The following PSMD13 variants were observed in gnomAD, a reference collection of about 807,000 sequenced individuals.
PSMD13 encodes the protein 26S proteasome non-ATPase regulatory subunit 13.
PSMD13 carries 8 observed loss-of-function variants against 57.4 expected under a neutral mutation model. The observed-to-expected ratio is 0.14, with a 90% CI of 0.08 to 0.25. The LOEUF is 0.25. PSMD13 is among the 10% of genes least tolerant of loss of function. PSMD13 has a pLI of 1.00. For synonymous variants in PSMD13, 193 were observed against 168.2 expected (o/e 1.15, Z -1.14); for missense variants, 400 against 461.5 (o/e 0.87, Z 1.22).
rs763579048 is a variant in PSMD13, at chr11:247,380, G to T, written c.500G>T (p.Gly167Val). ...DLSSKYYQTI[G>V]NHASYYKDAL... ...TCCAGTAAATACTATCAAACAATCG[G>T]AAACCACGCGTCCTACTACAAAGAT... is the stretch of plus-strand genomic sequence containing the variant. The change falls in exon 7 of 13, where the codon GGA becomes GTA. Residue 167 changes from glycine (G) to valine (V), a missense_variant. Coordinates refer to ENST00000532097, the MANE Select transcript of PSMD13 (RefSeq NM_002817.4). The T allele has an allele frequency of 1.9e-6, 3 of 1,614,174 alleles. No homozygotes were observed. Among genetic ancestry groups the T allele is most frequent in the Non-Finnish European group, 2.5e-6 (3 of 1,180,030 alleles).
chr11:246,401 C>T (rs1343716811), intron 6 of PSMD13, among the ~76,000 whole-genome samples: 2 of 152,126 alleles, frequency 1.3e-5, no homozygotes, highest in South Asian at 2.1e-4. Flanking sequence ...ACTCGGGAGG[C>T]TGAGGCAGCG....
At chr11:250,442 C>A (rs201258431) in intron 9 of PSMD13, among the ~76,000 whole-genome samples, 109 of 152,290 alleles carry the variant, frequency 7.2e-4, no homozygotes, top group African/African-American at 2.2e-3. Context: ...TTGAAAGAAC[C>A]CCCCTGGGCA....
intron 9 of PSMD13, among the ~76,000 whole-genome samples, chr11:249,606 G>A (rs1859733366): frequency 1.6e-5 from 1 of 63,444 alleles, no homozygotes; most frequent in Non-Finnish European, 3.4e-5. Flanking sequence ...GGGGGAGAGC[G>A]GCGGGTGCGG....
intron 7 of PSMD13, chr11:248,182 T>C (rs1166155604): frequency 6.5e-6 from 1 of 152,704 alleles, no homozygotes; most frequent in Non-Finnish European, 1.5e-5. Flanking sequence ...CTTTCAAGGA[T>C]TTGAGAGTGG....
intron 1 of PSMD13, 143 bp downstream of exon 1, chr11:237,287 G>C: frequency 1.3e-6 from 1 of 759,962 alleles, no homozygotes; most frequent in African/African-American, 1.8e-5. Flanking sequence ...GACCGGCTGT[G>C]CCGGCAAGGT....
intron 6 of PSMD13, among the ~76,000 whole-genome samples, chr11:245,395 G>A (rs1859609633): frequency 6.6e-6 from 1 of 152,120 alleles, no homozygotes; most frequent in African/African-American, 2.4e-5. Context: ...GTCTAATAAT[G>A]ACTCCACATG....
chr11:246,327 C>G (rs534710100), intron 6 of PSMD13, among the ~76,000 whole-genome samples: 125 of 152,208 alleles, frequency 8.2e-4, no homozygotes, highest in Non-Finnish European at 1.5e-3. Flanking sequence ...GATGGTAAAA[C>G]CCCGTCTCTA....
At chr11:242,242 C>T (rs1255432040) in intron 2 of PSMD13, among the ~76,000 whole-genome samples, 1 of 148,548 alleles carries the variant, frequency 6.7e-6, no homozygotes, top group Admixed American at 6.9e-5. Context: ...ATTTGTCTTA[C>T]ACGTTCTATG....
intron 6 of PSMD13, among the ~76,000 whole-genome samples, chr11:245,702 TTGTG>T (rs1420773152): frequency 3.2e-5 from 1 of 31,658 alleles, no homozygotes; most frequent in Non-Finnish European, 1.0e-4. Flanking sequence ...GTTCGTGTGT[TTGTG>T]TGTGTTTGTG....
intron 6 of PSMD13, among the ~76,000 whole-genome samples, chr11:246,169 A>G (rs1018078052): frequency 1.5e-4 from 23 of 152,182 alleles, no homozygotes; most frequent in African/African-American, 5.3e-4. Context: ...ACGGTATTTC[A>G]TTGTATAAGT....
chr11:247,103 C>G (rs1859663561), intron 6 of PSMD13, among the ~76,000 whole-genome samples, 174 bp from the exon 7 acceptor site: 1 of 152,094 alleles, frequency 6.6e-6, no homozygotes, highest in Non-Finnish European at 1.5e-5. Flanking sequence ...AAAATCTTAG[C>G]CAAGCACAGT....
intron 1 of PSMD13, 76 bp from the exon 2 acceptor site, chr11:238,922 T>C (rs1358441302): frequency 3.4e-5 from 46 of 1,352,704 alleles, no homozygotes; most frequent in Non-Finnish European, 4.8e-5. Flanking sequence ...ATTTGTGACT[T>C]GATAGAATCA....
intron 2 of PSMD13, chr11:243,283 G>C (rs1859556483): frequency 2.4e-6 from 1 of 421,644 alleles, no homozygotes. Flanking sequence ...GCTGGGCCCA[G>C]ATTCTGCTTT....
At chr11:249,535 G>A (rs1041359334) in intron 9 of PSMD13, among the ~76,000 whole-genome samples, 1 of 144,310 alleles carries the variant, frequency 6.9e-6, no homozygotes, top group Admixed American at 7.1e-5. Flanking sequence ...TGGGAGAGCG[G>A]TGGGTGCAGG....
At position 252,206 on chromosome 11, in the gene PSMD13, T is replaced by C; in HGVS notation, c.1035+270T>C. 1 of 518,406 alleles carries C rather than the reference T, an allele frequency of 1.9e-6. No homozygotes were observed. The highest frequency in any genetic ancestry group is 3.5e-6 in the Non-Finnish European group (1 of 288,078). 32.1% of individuals were successfully genotyped at this position (518,406 alleles called of 1,614,324 possible). On this transcript the variant is annotated intron_variant, in intron 12 of 12. Transcript: ENST00000532097. The surrounding 1 kb of genome is among the most constrained non-coding windows in gnomAD (Gnocchi z 4.1). ...TCTTAAGATAGGAGCTCTGATCAGA[T>C]ACGTTCCTGGTTCTGTGATTTGAGC... is the stretch of plus-strand genomic sequence containing the variant.
At position 251,064 on chromosome 11, in the gene PSMD13, G is replaced by A. The variant is rs375583325; in HGVS notation, c.837+199G>A. ...TTTATATTTGGCTCTTAGCTCAGAC[G>A]ACACCCTCCCACCCCACTGCCACCA... On this transcript the variant is annotated intron_variant, in intron 10 of 12. Coordinates refer to ENST00000532097, the MANE Select transcript of PSMD13 (RefSeq NM_002817.4). This position sits in a 1 kb window ranked among gnomAD's most constrained non-coding sequence, Gnocchi z 4.6. 1.2e-5 allele frequency: 7 copies of A among 571,600 alleles called. No individual in the cohort carries two copies. Among genetic ancestry groups the A allele is most frequent in the Admixed American group, 1.2e-4 (4 of 34,120 alleles). The allele number at this position is 571,600 out of a possible 1,614,324, so 35.4% of individuals were successfully genotyped here.
intron 7 of PSMD13, 40 bp from the exon 8 acceptor site, chr11:248,736 T>A (rs373750291): frequency 6.3e-7 from 1 of 1,584,576 alleles, no homozygotes. Flanking sequence ...GGACTGATTA[T>A]TATGACTGGA....
chr11:244,997 A>G (rs1490690796), intron 6 of PSMD13, among the ~76,000 whole-genome samples: 2 of 147,860 alleles, frequency 1.4e-5, no homozygotes, highest in African/African-American at 2.5e-5. Flanking sequence ...CTGGAGTGCA[A>G]TGGTGCAATC....
Position 252,936 on chromosome 11 carries a change from C to A in PSMD13, c.*336C>A, listed in dbSNP as rs936082881. The A allele has an allele frequency of 9.2e-6, 2 of 217,570 alleles. No individual in the cohort carries two copies. The highest frequency in any genetic ancestry group is 1.9e-5 in the Non-Finnish European group (2 of 106,356). The allele number at this position is 217,570 out of a possible 1,614,324, so 13.5% of individuals were successfully genotyped here. On this transcript the variant is annotated 3_prime_UTR_variant, in exon 13 of 13. Coordinates refer to ENST00000532097, the MANE Select transcript of PSMD13 (RefSeq NM_002817.4). The surrounding 1 kb of genome is among the most constrained non-coding windows in gnomAD (Gnocchi z 4.1). ...CATCCACCTGTACGGACATCTTTTCCGTTGCGGTTTGAGAATGTTCCTATA... is the reference window on the plus strand; with the variant it reads ...CATCCACCTGTACGGACATCTTTTCAGTTGCGGTTTGAGAATGTTCCTATA...
Sources: gnomAD v4.1 joint callset for allele counts (sites outside exome capture counted in the v4.1 genomes callset) on GRCh38, gnomAD v4.1.1 for gene constraint, Gnocchi (gnomAD v3.1) non-coding constraint, MANE v1.5 for transcripts, NCBI Gene and HGNC (gene_info 2026-07-23, HGNC 2026-07-21) for gene names.